The following STK24 variants were observed in gnomAD, a reference collection of about 807,000 sequenced individuals.
The protein encoded by STK24 is serine/threonine kinase 24, also known as serine/threonine-protein kinase 24.
Under a neutral mutation model 55.6 loss-of-function variants are expected in STK24, and 21 were observed. The ratio of observed to expected loss-of-function variants is 0.38; its 90% CI spans 0.27 to 0.54. The LOEUF is 0.54. Ranked by LOEUF, STK24 falls within the 20% of genes least tolerant of loss-of-function variation. The pLI is 0.79. For missense variants in STK24, 383 were observed against 538.4 expected (o/e 0.71, Z 2.86); for synonymous variants, 200 against 215.2 (o/e 0.93, Z 0.62).
chr13:98,575,117 A>T (rs1442495235), intron 1 of STK24, among the ~76,000 whole-genome samples: 2 of 152,128 alleles, frequency 1.3e-5, no homozygotes, highest in Non-Finnish European at 2.9e-5. Context: ...GACTAGTAAG[A>T]AATTACTTTT....
chr13:98,568,370 G>T (rs1356519678), intron 1 of STK24, among the ~76,000 whole-genome samples: 1 of 152,158 alleles, frequency 6.6e-6, no homozygotes, highest in African/African-American at 2.4e-5. Flanking sequence ...CCCTCTGCCG[G>T]GGGAATGAGT....
At chr13:98,575,175 C>T (rs1897848995) in intron 1 of STK24, among the ~76,000 whole-genome samples, 2 of 152,212 alleles carry the variant, frequency 1.3e-5, no homozygotes, top group East Asian at 1.9e-4. Flanking sequence ...CATACCAAAG[C>T]GGCTTTAGAA....
intron 5 of STK24, among the ~76,000 whole-genome samples, chr13:98,469,534 T>TTCCC (rs768326491): frequency 7.9e-6 from 1 of 126,328 alleles, no homozygotes; most frequent in Non-Finnish European, 1.8e-5. Context: ...AGACCCTGCA[T>TTCCC]CCCCCCCCCC....
At chr13:98,545,160 T>C (rs1896997476) in intron 1 of STK24, among the ~76,000 whole-genome samples, 1 of 152,290 alleles carries the variant, frequency 6.6e-6, no homozygotes, top group Non-Finnish European at 1.5e-5. Context: ...CCCTTTTGGT[T>C]GAGGGACAGG....
intron 1 of STK24, chr13:98,576,304 G>C (rs1352941594): frequency 1.9e-5 from 16 of 847,098 alleles, no homozygotes; most frequent in Non-Finnish European, 2.1e-5. Context: ...CCTGCCCGGG[G>C]GTGGGGGACG....
At chr13:98,532,071 G>A (rs1896595022) in intron 1 of STK24, among the ~76,000 whole-genome samples, 1 of 152,148 alleles carries the variant, frequency 6.6e-6, no homozygotes, top group South Asian at 2.1e-4. Context: ...CCCCCCATCA[G>A]CTTAGTTAAG....
At chr13:98,495,013 G>A (rs1379351495) in intron 2 of STK24, among the ~76,000 whole-genome samples, 1 of 152,176 alleles carries the variant, frequency 6.6e-6, no homozygotes, top group Non-Finnish European at 1.5e-5. Context: ...ACAGGATGGC[G>A]GGCTCCAAGA....
At chr13:98,497,175 C>T (rs1470749329) in intron 2 of STK24, among the ~76,000 whole-genome samples, 2 of 152,138 alleles carry the variant, frequency 1.3e-5, no homozygotes, top group African/African-American at 2.4e-5. Context: ...CTTTCCTCAC[C>T]GCCTTCCTCT....
Position 98,452,091 on chromosome 13 carries a change from C to G in STK24, c.*1082G>C, listed in dbSNP as rs116508637. ...ACACACACACAGCCACGAGTACACA[C>G]GCACGGCCACACATACACAGCAGGT... On this transcript the variant is annotated 3_prime_UTR_variant, in exon 11 of 11. Transcript: ENST00000539966. 1.3e-5 allele frequency: 2 copies of G among 152,198 alleles called. No homozygotes were observed. The highest frequency in any genetic ancestry group is 4.8e-5 in the African/African-American group (2 of 41,424). The allele number at this position is 152,198 out of a possible 1,614,324, so 9.4% of individuals were successfully genotyped here.
chr13:98,547,172 A>C (rs1273299187), intron 1 of STK24, among the ~76,000 whole-genome samples: 1 of 151,864 alleles, frequency 6.6e-6, no homozygotes, highest in African/African-American at 2.4e-5. Context: ...TCGGCCTCCC[A>C]AAGTGCTGGG....
chr13:98,574,738 T>C (rs1272943120), intron 1 of STK24, among the ~76,000 whole-genome samples: 2 of 151,794 alleles, frequency 1.3e-5, no homozygotes, highest in African/African-American at 4.8e-5. Context: ...GAAAACAAAA[T>C]AAAAACAGTT....
intron 1 of STK24, among the ~76,000 whole-genome samples, chr13:98,559,807 A>G (rs1186956643): frequency 6.6e-6 from 1 of 152,016 alleles, no homozygotes; most frequent in Non-Finnish European, 1.5e-5. Context: ...TTCCAGCAAA[A>G]TTCAGGAGCA....
rs1470393420 is a variant in STK24, at chr13:98,569,874, GA to G, written c.42+6870del. On this transcript the variant is annotated intron_variant, in intron 1 of 10. Coordinates refer to ENST00000539966, the MANE Select transcript of STK24 (RefSeq NM_001032296.4). ...CAGGAAAAAAAAAAAAACACAGGCA[GA>G]AATTTTTTTTTTTTTTTTTGAGATG... Among the ~76,000 whole-genome samples the G allele has an allele frequency of 9.7e-3, 1,435 of 148,110 alleles. 32 individuals carry two copies. Among genetic ancestry groups the G allele is most frequent in the African/African-American group, 0.033 (1,332 of 40,342 alleles).
At chr13:98,552,814 A>T (rs1323401946) in intron 1 of STK24, among the ~76,000 whole-genome samples, 1 of 152,138 alleles carries the variant, frequency 6.6e-6, no homozygotes, top group East Asian at 1.9e-4. Context: ...TAGGGCCAAA[A>T]GGACACGTTT....
intron 1 of STK24, among the ~76,000 whole-genome samples, chr13:98,561,504 G>C (rs1335334001): frequency 3.3e-5 from 5 of 151,948 alleles, no homozygotes; most frequent in Admixed American, 3.3e-4. Flanking sequence ...ATCACTTGAA[G>C]CCGGGAGGCA....
At chr13:98,533,960 A>C (rs552749274) in intron 1 of STK24, among the ~76,000 whole-genome samples, 1 of 152,158 alleles carries the variant, frequency 6.6e-6, no homozygotes, top group South Asian at 2.1e-4. Context: ...CTGGAGTCAC[A>C]CTCCTTCTCA....
chr13:98,522,120 G>A (rs1175047150), intron 1 of STK24: 13 of 1,269,002 alleles, frequency 1.0e-5, no homozygotes, highest in South Asian at 3.9e-5. Context: ...CTGCAATGTC[G>A]TGTCTGAGCC....
chr13:98,536,541 T>A (rs1171853799), intron 1 of STK24, among the ~76,000 whole-genome samples: 6 of 152,016 alleles, frequency 3.9e-5, no homozygotes, highest in Non-Finnish European at 7.4e-5. Context: ...ACTGTTATTT[T>A]ACTTTTTGTA....
chr13:98,463,561 A>G (rs2139259997), intron 7 of STK24, 130 bp downstream of exon 7: 1 of 1,149,002 alleles, frequency 8.7e-7, no homozygotes. Context: ...CTAACACAAC[A>G]ATTGCCACCA....
Sources: gnomAD v4.1 joint callset for allele counts (sites outside exome capture counted in the v4.1 genomes callset) on GRCh38, gnomAD v4.1.1 for gene constraint, MANE v1.5 for transcripts, NCBI Gene and HGNC (gene_info 2026-07-23, HGNC 2026-07-21) for gene names.